The following RBFOX1 variants were observed in gnomAD, a reference collection of about 807,000 sequenced individuals.
RBFOX1 encodes the protein RNA binding fox-1 homolog 1.
A neutral mutation model predicts 57.7 loss-of-function variants in RBFOX1; 8 were observed. That is an observed-to-expected ratio of 0.14 (90% CI 0.08 to 0.25). The LOEUF (loss-of-function observed/expected upper bound fraction) is 0.25. Ranked by LOEUF, RBFOX1 falls within the 10% of genes least tolerant of loss-of-function variation. RBFOX1 has a pLI of 1.00. For missense variants in RBFOX1, 611 were observed against 548.5 expected (o/e 1.11, Z -1.14); for synonymous variants, 326 against 222.4 (o/e 1.47, Z -4.15).
rs2094642425 is a variant in RBFOX1, at chr16:7,595,561, G to A, written c.481G>A (p.Val161Ile). 6 of 1,546,792 alleles carry A rather than the reference G, an allele frequency of 3.9e-6. No individual in the cohort carries two copies. The highest frequency in any genetic ancestry group is 1.8e-5 in the Admixed American group (1 of 54,676). ...NERGSKGFGFVTFENSADADR... is the reference protein window; with the variant it reads ...NERGSKGFGFITFENSADADR... ...CTCCTGCATGCAGGGATTTGGTTTC[G>A]TAACTTTCGAAAATAGTGCCGATGC... The change falls in exon 8 of 16, where the codon GTA becomes ATA. Residue 161 changes from valine to isoleucine, a missense_variant. Transcript: ENST00000550418.
chr16:6,717,083 A>G (rs1380159005), intron 3 of RBFOX1, among the ~76,000 whole-genome samples: 1 of 152,174 alleles, frequency 6.6e-6, no homozygotes, highest in Non-Finnish European at 1.5e-5. Context: ...TTCCCTTCCC[A>G]CACACCAATC....
chr16:6,977,770 AAAAG>A (rs1439090628), intron 3 of RBFOX1, among the ~76,000 whole-genome samples: 5 of 152,086 alleles, frequency 3.3e-5, no homozygotes, highest in African/African-American at 1.2e-4. Context: ...AAAAGAAAGA[AAAAG>A]AAAGTCATCT....
chr16:5,479,643 C>G (rs1282690379), intron 2 of RBFOX1, among the ~76,000 whole-genome samples: 1 of 152,036 alleles, frequency 6.6e-6, no homozygotes, highest in Non-Finnish European at 1.5e-5. Flanking sequence ...CCTGTCATCG[C>G]AGCTACTTGG....
intron 2 of RBFOX1, among the ~76,000 whole-genome samples, chr16:6,439,686 C>T (rs994992956): frequency 1.3e-5 from 2 of 152,124 alleles, no homozygotes; most frequent in African/African-American, 2.4e-5. Flanking sequence ...AACCCACAAG[C>T]AGCTGTAGCC....
intron 11 of RBFOX1, among the ~76,000 whole-genome samples, chr16:7,639,066 A>G (rs535077498): frequency 5.9e-5 from 9 of 152,188 alleles, no homozygotes; most frequent in African/African-American, 2.2e-4. Flanking sequence ...GATTTAAATG[A>G]TACAAAATGA....
intron 2 of RBFOX1, among the ~76,000 whole-genome samples, chr16:6,476,496 T>C (rs1452241942): frequency 6.6e-6 from 1 of 152,198 alleles, no homozygotes; most frequent in Non-Finnish European, 1.5e-5. Flanking sequence ...GTCTATTAAG[T>C]GTGCAATAGC....
chr16:5,239,776 T>TCCGCG (rs1164780427), upstream of RBFOX1: 1 of 610,402 alleles, frequency 1.6e-6, no homozygotes, highest in Non-Finnish European at 2.8e-6. Context: ...GATGCCCAGC[T>TCCGCG]CCGCGCCGCG....
At chr16:5,511,836 G>T (rs1367576940) in intron 2 of RBFOX1, among the ~76,000 whole-genome samples, 2 of 152,190 alleles carry the variant, frequency 1.3e-5, no homozygotes, top group Non-Finnish European at 2.9e-5. Context: ...GGGGAGACCA[G>T]AAGGGTGACT....
chr16:5,847,402 G>A (rs1292491720), intron 3 of RBFOX1, among the ~76,000 whole-genome samples: 2 of 151,894 alleles, frequency 1.3e-5, no homozygotes, highest in Admixed American at 6.6e-5. Context: ...GATCCTGATT[G>A]CATCAAAGGA....
chr16:5,633,441 C>T (rs1031057518), intron 3 of RBFOX1, among the ~76,000 whole-genome samples: 6 of 152,172 alleles, frequency 3.9e-5, no homozygotes, highest in African/African-American at 1.4e-4. Context: ...TTGTTGCACT[C>T]ATCACTGGAG....
At chr16:6,286,493 T>G (rs575765854) in intron 1 of RBFOX1, among the ~76,000 whole-genome samples, 96 of 152,230 alleles carry the variant, frequency 6.3e-4, no homozygotes, top group Non-Finnish European at 1.2e-3. Flanking sequence ...AGTACCTACC[T>G]TGCAAGATTG....
At chr16:7,657,287 A>G (rs1326129240) in intron 12 of RBFOX1, among the ~76,000 whole-genome samples, 1 of 152,142 alleles carries the variant, frequency 6.6e-6, no homozygotes, top group Non-Finnish European at 1.5e-5. Context: ...AGGATGCCCT[A>G]CATTCATCCA....
At chr16:7,671,905 G>A (rs2071574898) in intron 13 of RBFOX1, among the ~76,000 whole-genome samples, 1 of 152,198 alleles carries the variant, frequency 6.6e-6, no homozygotes, top group South Asian at 2.1e-4. Flanking sequence ...TCAAATGGTG[G>A]TCTAGCTTGG....
At chr16:7,313,947 T>C (rs537160290) in intron 4 of RBFOX1, among the ~76,000 whole-genome samples, 4 of 152,146 alleles carry the variant, frequency 2.6e-5, no homozygotes, top group Non-Finnish European at 5.9e-5. Context: ...ATAGCTCCAA[T>C]TGATGGAGTG....
intron 3 of RBFOX1, among the ~76,000 whole-genome samples, chr16:6,953,212 G>A (rs900433962): frequency 3.9e-5 from 6 of 152,060 alleles, no homozygotes; most frequent in African/African-American, 9.7e-5. Context: ...TGTGTCCGGT[G>A]CTCTCAGACC....
intron 3 of RBFOX1, among the ~76,000 whole-genome samples, chr16:6,898,181 A>C (rs920185520): frequency 3.3e-5 from 5 of 152,150 alleles, no homozygotes; most frequent in Non-Finnish European, 7.3e-5. Context: ...CAACGGCATT[A>C]AGAATGCTTA....
At chr16:7,287,185 A>G (rs1365608383) in intron 4 of RBFOX1, among the ~76,000 whole-genome samples, 1 of 152,186 alleles carries the variant, frequency 6.6e-6, no homozygotes, top group Non-Finnish European at 1.5e-5. Flanking sequence ...TTGCCTGAGG[A>G]AAGTGCAGGT....
At chr16:6,638,333 A>T (rs1216320371) in intron 2 of RBFOX1, among the ~76,000 whole-genome samples, 1 of 152,176 alleles carries the variant, frequency 6.6e-6, no homozygotes, top group Non-Finnish European at 1.5e-5. Context: ...GTTACTGGTA[A>T]ATCGCATGGC....
chr16:6,053,332 G>GGAA (rs1181758734), intron 1 of RBFOX1, among the ~76,000 whole-genome samples: 2 of 152,198 alleles, frequency 1.3e-5, no homozygotes, highest in African/African-American at 2.4e-5. Flanking sequence ...GCAGAAAGAA[G>GGAA]GAAGAGTGGC....
Sources: allele counts gnomAD v4.1 joint callset (sites outside exome capture counted in the v4.1 genomes callset), GRCh38; gene constraint gnomAD v4.1.1; transcripts MANE v1.5; gene names NCBI Gene and HGNC (gene_info 2026-07-23, HGNC 2026-07-21).